ARHGEF17: variants seen among roughly 807,000 people sequenced by gnomAD.
ARHGEF17 encodes 164 kDa Rho-specific guanine-nucleotide exchange factor.
A neutral mutation model predicts 174.0 loss-of-function variants in ARHGEF17; 80 were observed. The observed-to-expected ratio is 0.46, with a 90% CI of 0.38 to 0.55. The LOEUF (loss-of-function observed/expected upper bound fraction) is 0.55. ARHGEF17 is among the 20% of genes least tolerant of loss of function. The pLI is 0.00. For synonymous variants in ARHGEF17, 1,311 were observed against 1,189.1 expected (o/e 1.10, Z -2.11); for missense variants, 2,886 against 2,839.7 (o/e 1.02, Z -0.37).
Position 73,369,273 on chromosome 11 carries a change from C to T in ARHGEF17, c.*1493C>T, listed in dbSNP as rs1865892109. 6.6e-6 allele frequency: 1 copy of T among 152,254 alleles called. No individual in the cohort carries two copies. Among genetic ancestry groups the T allele is most frequent in the African/African-American group, 2.4e-5 (1 of 41,446 alleles). 9.4% of individuals were successfully genotyped at this position (152,254 alleles called of 1,614,324 possible). ...GCAGGTGGCTGGGCTGCAGTTTCCTCATCAGGAAAATAAAGGGGTTGTACC... is the reference window on the plus strand; with the variant it reads ...GCAGGTGGCTGGGCTGCAGTTTCCTTATCAGGAAAATAAAGGGGTTGTACC... On this transcript the variant is annotated 3_prime_UTR_variant, in exon 21 of 21. Transcript: ENST00000263674.
intron 12 of ARHGEF17, among the ~76,000 whole-genome samples, chr11:73,361,822 C>T (rs546522865): frequency 6.6e-6 from 1 of 151,754 alleles, no homozygotes; most frequent in Non-Finnish European, 1.5e-5. Context: ...CCACTGCACC[C>T]CAGCCTGGGA....
chr11:73,343,723 T>C (rs1380046356), intron 1 of ARHGEF17, among the ~76,000 whole-genome samples: 1 of 151,864 alleles, frequency 6.6e-6, no homozygotes, highest in Non-Finnish European at 1.5e-5. Flanking sequence ...AGCGTCCCCG[T>C]TCTCGCTCAG....
At chr11:73,363,083 G>C in intron 14 of ARHGEF17, 123 bp from the exon 15 acceptor site, 1 of 1,333,528 alleles carries the variant, frequency 7.5e-7, no homozygotes, top group Non-Finnish European at 1.0e-6. Flanking sequence ...GAGCAGGCCG[G>C]GGAAGAACAG....
chr11:73,352,321 CATAAA>C (rs1410833822), intron 2 of ARHGEF17, among the ~76,000 whole-genome samples: 1 of 152,116 alleles, frequency 6.6e-6, no homozygotes, highest in Non-Finnish European at 1.5e-5. Flanking sequence ...AAGACTTCGT[CATAAA>C]ATAAAATATT....
Position 73,355,655 on chromosome 11 carries a change from G to C in ARHGEF17, c.3570+6G>C. ...CCTTTCTCAAGTTCCTAGAGGTACTGTGGGCTAGGGCAGGGGGATGGAGGT... is the reference window on the plus strand; with the variant it reads ...CCTTTCTCAAGTTCCTAGAGGTACTCTGGGCTAGGGCAGGGGGATGGAGGT... On this transcript the variant is annotated splice_donor_region_variant and intron_variant, in intron 4 of 20. Transcript: ENST00000263674. The C allele has an allele frequency of 6.2e-7, 1 of 1,611,838 alleles. No individual in the cohort carries two copies. Among genetic ancestry groups the C allele is most frequent in the Non-Finnish European group, 8.5e-7 (1 of 1,177,918 alleles).
intron 1 of ARHGEF17, among the ~76,000 whole-genome samples, chr11:73,327,010 C>T (rs1254166159): frequency 6.6e-6 from 1 of 152,228 alleles, no homozygotes; most frequent in Non-Finnish European, 1.5e-5. Context: ...GGCAACCAGC[C>T]AGGCTCCCTG....
chr11:73,343,402 G>C (rs1865407841), intron 1 of ARHGEF17: 1 of 390,148 alleles, frequency 2.6e-6, no homozygotes, highest in African/African-American at 2.1e-5. Flanking sequence ...TCTGTGACCG[G>C]GGATGGAGAC....
At position 73,311,195 on chromosome 11, in the gene ARHGEF17, G is replaced by A; in HGVS notation, c.2557G>A (p.Val853Ile). The change falls in exon 1 of 21, where the codon GTT becomes ATT. Residue 853 changes from valine to isoleucine, a missense_variant. Val to Ile is a conservative substitution (Grantham distance 29, BLOSUM62 3). Transcript: ENST00000263674. ...CCCTGGAGGGGAGCCCATCCGAGAAGTTGAGCCCATGCTGCCTCCATCCAG... is the reference window on the plus strand; with the variant it reads ...CCCTGGAGGGGAGCCCATCCGAGAAATTGAGCCCATGCTGCCTCCATCCAG... ...EGPGGEPIRE[V>I]EPMLPPSSSE... The A allele has an allele frequency of 6.3e-7, 1 of 1,598,966 alleles. No individual in the cohort carries two copies. The highest frequency in any genetic ancestry group is 2.2e-5 in the East Asian group (1 of 44,596).
At position 73,309,535 on chromosome 11, in the gene ARHGEF17, C is replaced by T; in HGVS notation, c.897C>T (p.Ser299=). 1.9e-6 allele frequency: 3 copies of T among 1,585,922 alleles called. No homozygotes were observed. Among genetic ancestry groups the T allele is most frequent in the Non-Finnish European group, 2.6e-6 (3 of 1,161,036 alleles). Residue 299 remains serine, a synonymous_variant, in exon 1 of 21, where the codon AGC becomes AGT. Coordinates refer to ENST00000263674, the MANE Select transcript of ARHGEF17 (RefSeq NM_014786.4). The part of the protein sequence containing the change: ...WGGRPGLRPG[S]SLLDQDCRPD... ...GGAGGCCCGGGCTCAGGCCTGGAAGCTCCCTATTGGATCAGGACTGCAGGC... is the reference window on the plus strand; with the variant it reads ...GGAGGCCCGGGCTCAGGCCTGGAAGTTCCCTATTGGATCAGGACTGCAGGC...
At chr11:73,333,093 G>C (rs2134401514) in intron 1 of ARHGEF17, among the ~76,000 whole-genome samples, 1 of 152,340 alleles carries the variant, frequency 6.6e-6, no homozygotes, top group East Asian at 1.9e-4. Flanking sequence ...ACCCACGGAA[G>C]AGCTCATGAA....
In ARHGEF17 at chr11:73,310,973, T is replaced by G; in HGVS notation, c.2335T>G (p.Leu779Val). The G allele has an allele frequency of 1.2e-6, 2 of 1,614,186 alleles. No individual in the cohort carries two copies. Among genetic ancestry groups the G allele is most frequent in the Non-Finnish European group, 1.7e-6 (2 of 1,180,020 alleles). Residue 779 changes from leucine to valine, a missense_variant, in exon 1 of 21, where the codon TTG becomes GTG. By Grantham distance (32) the Leu-to-Val change is conservative. Around this residue, in one of 4 missense-constraint regions of ARHGEF17, gnomAD observed 1,728 missense variants for 1,461.2 expected, o/e 1.18. Transcript: ENST00000263674. ...TGCCACCTCAGCCATGGATGAGGGC[T>G]TGACCAGTGGTCACAGTGACTGGTC... is the stretch of plus-strand genomic sequence containing the variant. ...LPATSAMDEG[L>V]TSGHSDWSVG... is the part of the protein sequence containing the mutation.
In ARHGEF17 at chr11:73,309,936, G is replaced by T; in HGVS notation, c.1298G>T (p.Arg433Leu). 6.2e-7 allele frequency: 1 copy of T among 1,613,568 alleles called. No individual in the cohort carries two copies. The highest frequency in any genetic ancestry group is 8.5e-7 in the Non-Finnish European group (1 of 1,179,888). Residue 433 changes from arginine to leucine, a missense_variant, in exon 1 of 21, where the codon CGA (arginine) becomes CTA (leucine). Around this residue, in one of 4 missense-constraint regions of ARHGEF17, gnomAD observed 1,728 missense variants for 1,461.2 expected, o/e 1.18. Transcript: ENST00000263674. ...AGEGLLRSQA[R>L]TRAKGPGGTS... is the part of the protein sequence containing the mutation. ...GAAGGGCTCCTGCGGTCCCAGGCTC[G>T]AACCCGTGCCAAAGGACCTGGAGGC...
chr11:73,315,391 C>T (rs1864911578), intron 1 of ARHGEF17, among the ~76,000 whole-genome samples: 1 of 152,220 alleles, frequency 6.6e-6, no homozygotes, highest in Non-Finnish European at 1.5e-5. Context: ...TTGTTCCTCT[C>T]CACTCAGACC....
chr11:73,332,403 GTGTGTA>G (rs1192090882), intron 1 of ARHGEF17, among the ~76,000 whole-genome samples: 2,762 of 60,800 alleles, frequency 0.045, 98 homozygotes, highest in Admixed American at 0.14. Context: ...GTGTGTGTGT[GTGTGTA>G]TTTTAAATAA....
chr11:73,357,615 A>G (rs955132035), intron 9 of ARHGEF17, among the ~76,000 whole-genome samples: 1 of 152,200 alleles, frequency 6.6e-6, no homozygotes, highest in Non-Finnish European at 1.5e-5. Flanking sequence ...TTAGCCATTG[A>G]TTCATCTGTG....
chr11:73,344,780 G>A (rs1033291751), intron 1 of ARHGEF17, among the ~76,000 whole-genome samples: 7 of 152,252 alleles, frequency 4.6e-5, no homozygotes, highest in African/African-American at 1.7e-4. Flanking sequence ...CAGTCACACA[G>A]CCAGTAAGGG....
chr11:73,338,491 G>A (rs1319704499), intron 1 of ARHGEF17, among the ~76,000 whole-genome samples: 1 of 152,204 alleles, frequency 6.6e-6, no homozygotes, highest in African/African-American at 2.4e-5. Context: ...GTGGACTTTG[G>A]TGGGGTCAGG....
At chr11:73,325,461 A>G (rs1315549182) in intron 1 of ARHGEF17, among the ~76,000 whole-genome samples, 2 of 152,192 alleles carry the variant, frequency 1.3e-5, no homozygotes, top group Non-Finnish European at 2.9e-5. Context: ...AACAGTTCCC[A>G]CACTGTGGGG....
intron 2 of ARHGEF17, among the ~76,000 whole-genome samples, chr11:73,350,927 C>G (rs1438754470): frequency 6.6e-6 from 1 of 152,248 alleles, no homozygotes; most frequent in Non-Finnish European, 1.5e-5. Context: ...GTGAGATGCC[C>G]CAGTGCTGGG....
Sources: gnomAD v4.1 joint callset for allele counts (sites outside exome capture counted in the v4.1 genomes callset) on GRCh38, gnomAD v4.1.1 for gene constraint, gnomAD v4.1.1 regional missense constraint, MANE v1.5 for transcripts, NCBI Gene and HGNC (gene_info 2026-07-23, HGNC 2026-07-21) for gene names.